Variants in ROBO2 observed in about 807,000 individuals in gnomAD.
ROBO2 encodes the protein roundabout homolog 2.
ROBO2 carries 53 observed loss-of-function variants against 160.8 expected under a neutral mutation model. That is an observed-to-expected ratio of 0.33 (90% CI 0.26 to 0.41). The LOEUF (loss-of-function observed/expected upper bound fraction) is 0.41, where lower values mean the gene tolerates loss of function less well. Among genes scored for constraint, ROBO2 ranks in the 10% least tolerant of loss-of-function variants. The probability of loss-of-function intolerance (pLI) is 1.00; values close to 1 mark genes in which losing one functional copy is unlikely to be tolerated. For synonymous variants in ROBO2, 664 were observed against 611.7 expected, an observed-to-expected ratio of 1.09 and a Z score of -1.26; for missense variants, 1,577 against 1,722.4, an observed-to-expected ratio of 0.92 and a Z score of 1.49.
intron 1 of ROBO2, among the ~76,000 whole-genome samples, chr3:77,096,552 G>A (rs1290298723): frequency 6.6e-6 from 1 of 151,162 alleles, no homozygotes; most frequent in Non-Finnish European, 1.5e-5. Flanking sequence ...GAGTTCAAAC[G>A]ATTCTCCTGC....
intron 2 of ROBO2, among the ~76,000 whole-genome samples, chr3:76,567,654 C>CAT (rs1259065851): frequency 3.7e-3 from 155 of 41,620 alleles, no homozygotes; most frequent in South Asian, 5.7e-3. Context: ...TATATATATA[C>CAT]ACATACACAT....
intron 2 of ROBO2, among the ~76,000 whole-genome samples, chr3:76,511,015 C>T (rs1192494653): frequency 2.6e-5 from 4 of 152,120 alleles, no homozygotes; most frequent in Non-Finnish European, 5.9e-5. Flanking sequence ...GATCATGAAT[C>T]GGCAAAGTAT....
chr3:77,575,310 A>G (rs753163025), intron 14 of ROBO2, among the ~76,000 whole-genome samples: 1 of 152,106 alleles, frequency 6.6e-6, no homozygotes, highest in Non-Finnish European at 1.5e-5. Flanking sequence ...TTCATTTAGT[A>G]GTATCTCTTT....
At chr3:76,777,449 A>G (rs1313586049) in intron 2 of ROBO2, among the ~76,000 whole-genome samples, 1 of 151,146 alleles carries the variant, frequency 6.6e-6, no homozygotes, top group Non-Finnish European at 1.5e-5. Context: ...TTAAAATACT[A>G]GTTAGTGCAT....
chr3:75,954,182 A>G (rs1276248010), intron 2 of ROBO2, among the ~76,000 whole-genome samples: 1 of 151,824 alleles, frequency 6.6e-6, no homozygotes, highest in Non-Finnish European at 1.5e-5. Flanking sequence ...TTAATTTACC[A>G]TGTCTGAGTT....
chr3:76,261,725 C>T (rs527643050), intron 2 of ROBO2, among the ~76,000 whole-genome samples: 25 of 151,956 alleles, frequency 1.6e-4, no homozygotes, highest in African/African-American at 6.0e-4. Flanking sequence ...ATACTGTGTG[C>T]ATTTTTTTAG....
At chr3:76,634,944 G>A (rs1169208500) in intron 2 of ROBO2, among the ~76,000 whole-genome samples, 1 of 152,188 alleles carries the variant, frequency 6.6e-6, no homozygotes, top group African/African-American at 2.4e-5. Context: ...GCGCATGCAA[G>A]GGATCTAGGT....
intron 2 of ROBO2, among the ~76,000 whole-genome samples, chr3:76,693,430 TACAC>T (rs2092855251): frequency 1.4e-5 from 2 of 144,734 alleles, no homozygotes; most frequent in Admixed American, 1.4e-4. Flanking sequence ...TACATATAGA[TACAC>T]ACTCTATATA....
chr3:77,317,930 C>T (rs906799998), intron 2 of ROBO2, among the ~76,000 whole-genome samples: 2 of 149,340 alleles, frequency 1.3e-5, no homozygotes, highest in African/African-American at 5.0e-5. Context: ...AGGGGGGCTG[C>T]GGCGCCAAGG....
At chr3:76,327,125 A>G (rs2073095231) in intron 2 of ROBO2, among the ~76,000 whole-genome samples, 1 of 152,134 alleles carries the variant, frequency 6.6e-6, no homozygotes, top group South Asian at 2.1e-4. Flanking sequence ...TTGATTCATA[A>G]TGCCCAAGGA....
intron 2 of ROBO2, among the ~76,000 whole-genome samples, chr3:76,616,674 C>T (rs1008840787): frequency 1.3e-5 from 2 of 152,188 alleles, no homozygotes; most frequent in Admixed American, 1.3e-4. Context: ...CTCCTCCAAA[C>T]AAAGATATGT....
intron 2 of ROBO2, among the ~76,000 whole-genome samples, chr3:77,255,025 G>T (rs2090775640): frequency 6.6e-6 from 1 of 152,190 alleles, no homozygotes; most frequent in African/African-American, 2.4e-5. Flanking sequence ...CTGTTAAAAG[G>T]AAGAACTAGA....
intron 2 of ROBO2, among the ~76,000 whole-genome samples, chr3:77,324,758 G>C (rs1184469743): frequency 6.9e-6 from 1 of 145,860 alleles, no homozygotes; most frequent in Non-Finnish European, 1.5e-5. Context: ...CTCCAGCCTA[G>C]GCGACAGAGA....
At chr3:76,657,789 T>C in intron 2 of ROBO2, among the ~76,000 whole-genome samples, 1 of 148,106 alleles carries the variant, frequency 6.8e-6, no homozygotes, top group South Asian at 2.1e-4. Context: ...TGTATATATA[T>C]GTTCATATAT....
At chr3:76,057,018 T>G (rs2067872701) in intron 2 of ROBO2, among the ~76,000 whole-genome samples, 1 of 152,232 alleles carries the variant, frequency 6.6e-6, no homozygotes, top group Non-Finnish European at 1.5e-5. Context: ...TTCTGTCTAC[T>G]TAACTTTGGA....
intron 2 of ROBO2, among the ~76,000 whole-genome samples, chr3:76,699,780 T>A (rs2093008897): frequency 6.6e-6 from 1 of 152,188 alleles, no homozygotes; most frequent in African/African-American, 2.4e-5. Context: ...GCTCGTTCTC[T>A]GTAACTTTGC....
rs1200490077 is a variant in ROBO2 at position 77,232,281 on chromosome 3, G to C, written c.388+133941G>C. Among the ~76,000 whole-genome samples, 3 of 152,130 alleles carry C rather than the reference G, an allele frequency of 2.0e-5. No individual in the cohort carries two copies. The East Asian group carries it at 5.8e-4, about 29-fold the overall frequency. On this transcript the variant is annotated intron_variant, in intron 2 of 25. Coordinates refer to ENST00000461745, the Ensembl canonical transcript of ROBO2. ...AATTAATGGAGTAGGTGGCCAGGGA[G>C]AGCTATTTAGCTGGAGTGGTCAGGA...
chr3:77,188,959 G>GTGTGTGTGTGTGTGTGTA (rs2081539060), intron 2 of ROBO2, among the ~76,000 whole-genome samples: 1 of 128,754 alleles, frequency 7.8e-6, no homozygotes, highest in Non-Finnish European at 1.8e-5. Context: ...TTGTGTGTGT[G>GTGTGTGTGTGTGTGTGTA]TGTGTGTGTG....
chr3:76,524,865 A>AAAAAAAAAAAAAAAAAATAT (rs1560091318), intron 2 of ROBO2, among the ~76,000 whole-genome samples: 1 of 116,018 alleles, frequency 8.6e-6, no homozygotes, highest in African/African-American at 3.4e-5. Context: ...AAAAAAAAAA[A>AAAAAAAAAAAAAAAAAATAT]ATAAGTAAAA....
Sources: allele counts gnomAD v4.1 joint callset (sites outside exome capture counted in the v4.1 genomes callset), GRCh38; gene constraint gnomAD v4.1.1; transcripts MANE v1.5; gene names NCBI Gene and HGNC (gene_info 2026-07-23, HGNC 2026-07-21).